The following FTO variants were observed in gnomAD, a reference collection of about 807,000 sequenced individuals.
The protein encoded by FTO is alpha-ketoglutarate-dependent dioxygenase FTO.
FTO carries 47 observed loss-of-function variants against 63.9 expected under a neutral mutation model. That is an observed-to-expected ratio of 0.74 (90% CI 0.58 to 0.94). The LOEUF (loss-of-function observed/expected upper bound fraction) is 0.94, where lower values mean the gene tolerates loss of function less well. Ranked by LOEUF, FTO falls within the 40% of genes least tolerant of loss-of-function variation. The pLI is 0.00. For missense variants in FTO, 562 were observed against 618.1 expected (o/e 0.91, Z 0.96); for synonymous variants, 207 against 224.4 (o/e 0.92, Z 0.69).
At chr16:53,825,828 A>T in intron 2 of FTO, 36 bp from the exon 3 acceptor site, 1 of 1,605,990 alleles carries the variant, frequency 6.2e-7, no homozygotes, top group South Asian at 1.1e-5. Context: ...TTGTAGCTAT[A>T]TATCAACGTC....
At chr16:53,733,306 G>T (rs1302681089) in intron 1 of FTO, among the ~76,000 whole-genome samples, 3 of 152,126 alleles carry the variant, frequency 2.0e-5, no homozygotes, top group Non-Finnish European at 2.9e-5. Context: ...GGAGGTTGAG[G>T]CATGAGAATC....
chr16:53,838,254 G>A (rs1465820196), intron 3 of FTO, among the ~76,000 whole-genome samples: 2 of 152,172 alleles, frequency 1.3e-5, no homozygotes, highest in Non-Finnish European at 2.9e-5. Flanking sequence ...CAAGGGACCA[G>A]CCTTTTAAAG....
At chr16:53,836,428 A>T (rs12596393) in intron 3 of FTO, among the ~76,000 whole-genome samples, 79,248 of 151,998 alleles carry the variant, frequency 0.52, 22,133 homozygotes, top group East Asian at 0.9. Flanking sequence ...GTAAGCTCCT[A>T]AAAGAAGTAA....
intron 3 of FTO, among the ~76,000 whole-genome samples, chr16:53,827,854 T>C (rs1678776826): frequency 6.6e-6 from 1 of 152,192 alleles, no homozygotes; most frequent in Admixed American, 6.5e-5. Flanking sequence ...CCAAGAACTC[T>C]GATGTGAACG....
chr16:53,901,125 C>T (rs1028513649), intron 7 of FTO, among the ~76,000 whole-genome samples: 1 of 152,210 alleles, frequency 6.6e-6, no homozygotes, highest in African/African-American at 2.4e-5. Context: ...GCACTACTTT[C>T]AAGACCTGTC....
At chr16:54,005,574 C>A (rs12931859) in intron 8 of FTO, among the ~76,000 whole-genome samples, 1 of 151,848 alleles carries the variant, frequency 6.6e-6, no homozygotes, top group African/African-American at 2.4e-5. Context: ...ATATGATTAC[C>A]ATTTTACAGA....
chr16:53,833,107 A>G (rs1428744086), intron 3 of FTO, among the ~76,000 whole-genome samples: 1 of 152,180 alleles, frequency 6.6e-6, no homozygotes, highest in Non-Finnish European at 1.5e-5. Flanking sequence ...GATAGTGAAT[A>G]AGTCTCACGA....
rs144006751 is a variant in FTO, at chr16:53,805,184, C to G, written c.46-4956C>G. ...ATGGATAAAGAATAAGTGTCATTAG[C>G]AGCATAATCTTGACACGGCTGAAGA... On this transcript the variant is annotated intron_variant, in intron 1 of 8. Coordinates refer to ENST00000471389, the MANE Select transcript of FTO (RefSeq NM_001080432.3). Among the ~76,000 whole-genome samples the G allele has an allele frequency of 2.4e-3, 368 of 152,228 alleles. 2 individuals carry two copies. Among genetic ancestry groups the G allele is most frequent in the African/African-American group, 8.2e-3 (340 of 41,532 alleles).
At chr16:53,772,086 A>G (rs984200203) in intron 1 of FTO, among the ~76,000 whole-genome samples, 11 of 152,120 alleles carry the variant, frequency 7.2e-5, no homozygotes, top group African/African-American at 2.6e-4. Flanking sequence ...TACTTTTTTG[A>G]AGGGGAAAAT....
intron 1 of FTO, among the ~76,000 whole-genome samples, chr16:53,785,741 C>G (rs554850193): frequency 6.6e-6 from 1 of 151,886 alleles, no homozygotes; most frequent in South Asian, 2.1e-4. Flanking sequence ...GAAACCCGGT[C>G]TCTACTAAAA....
intron 1 of FTO, among the ~76,000 whole-genome samples, chr16:53,807,066 G>T (rs1048058716): frequency 6.6e-5 from 10 of 152,152 alleles, no homozygotes; most frequent in Non-Finnish European, 1.3e-4. Context: ...ATTGATATCT[G>T]ATTGATTTCA....
At chr16:53,801,555 A>G (rs2078225233) in intron 1 of FTO, among the ~76,000 whole-genome samples, 2 of 151,780 alleles carry the variant, frequency 1.3e-5, no homozygotes, top group South Asian at 2.1e-4. Flanking sequence ...ATTTTTATCT[A>G]TTGTCCTTTT....
chr16:53,963,126 A>T (rs1352995094), intron 8 of FTO, among the ~76,000 whole-genome samples: 1 of 152,204 alleles, frequency 6.6e-6, no homozygotes, highest in Admixed American at 6.5e-5. Context: ...GGTCCTTCAG[A>T]TGCACATTCA....
At chr16:53,705,128 CTCT>C (rs1378070751) in intron 1 of FTO, among the ~76,000 whole-genome samples, 1 of 152,046 alleles carries the variant, frequency 6.6e-6, no homozygotes, top group African/African-American at 2.4e-5. Flanking sequence ...CCTAACTTAA[CTCT>C]TCTTCCACCT....
chr16:53,766,371 G>A (rs762425054), intron 1 of FTO, among the ~76,000 whole-genome samples: 7 of 152,060 alleles, frequency 4.6e-5, no homozygotes, highest in Non-Finnish European at 8.8e-5. Flanking sequence ...GACTACAGGC[G>A]TACATCACTA....
chr16:53,960,382 G>A (rs1355203780), intron 8 of FTO, among the ~76,000 whole-genome samples: 1 of 152,210 alleles, frequency 6.6e-6, no homozygotes, highest in South Asian at 2.1e-4. Context: ...TGGCACTGGT[G>A]CAATGGTATC....
chr16:54,061,272 A>G (rs1322635078), intron 8 of FTO, among the ~76,000 whole-genome samples: 3 of 152,206 alleles, frequency 2.0e-5, no homozygotes, highest in African/African-American at 7.2e-5. Flanking sequence ...CTGGTTCTGC[A>G]GCCTTGTCCC....
intron 7 of FTO, among the ~76,000 whole-genome samples, chr16:53,896,837 C>T (rs1320827519): frequency 6.6e-6 from 1 of 152,150 alleles, no homozygotes; most frequent in Non-Finnish European, 1.5e-5. Context: ...CAATTTGGAA[C>T]TCAGCGCTCC....
intron 8 of FTO, among the ~76,000 whole-genome samples, chr16:54,004,415 A>AATAC (rs1185223743): frequency 2.6e-5 from 4 of 152,050 alleles, no homozygotes; most frequent in Admixed American, 2.6e-4. Context: ...TAAATAAATA[A>AATAC]ATAAATGTCG....
Sources: gnomAD v4.1 joint callset for allele counts (sites outside exome capture counted in the v4.1 genomes callset) on GRCh38, gnomAD v4.1.1 for gene constraint, MANE v1.5 for transcripts, NCBI Gene and HGNC (gene_info 2026-07-23, HGNC 2026-07-21) for gene names.